The following CCAR2 variants were observed in gnomAD, a reference collection of about 807,000 sequenced individuals.
CCAR2 encodes the protein cell cycle and apoptosis regulator 2.
In CCAR2, 21 loss-of-function variants were observed where a neutral mutation model predicts 108.1. The ratio of observed to expected loss-of-function variants is 0.19; its 90% CI spans 0.14 to 0.28. CCAR2 has a LOEUF of 0.28. CCAR2 is among the 10% of genes least tolerant of loss of function. The pLI, the probability that CCAR2 is intolerant of heterozygous loss-of-function variation, is 1.00. For missense variants in CCAR2, 1,126 were observed against 1,177.0 expected (o/e 0.96, Z 0.63); for synonymous variants, 577 against 472.8 (o/e 1.22, Z -2.86).
chr8:22,615,335 C>T, intron 11 of CCAR2, 90 bp from the exon 12 acceptor site: 2 of 1,469,378 alleles, frequency 1.4e-6, no homozygotes, highest in Non-Finnish European at 1.8e-6. Flanking sequence ...TCATTGAGTG[C>T]TGACTGGAAA....
At chr8:22,618,758 G>A in intron 18 of CCAR2, 30 bp downstream of exon 18, 2 of 1,613,648 alleles carry the variant, frequency 1.2e-6, no homozygotes, top group Non-Finnish European at 1.7e-6. Flanking sequence ...AGCCTTCCTG[G>A]GGCACGGGCA....
At chr8:22,607,882 T>A in intron 6 of CCAR2, 87 bp from the exon 7 acceptor site, 1 of 1,061,086 alleles carries the variant, frequency 9.4e-7, no homozygotes, top group Non-Finnish European at 1.5e-6. Flanking sequence ...TGCACTGTCC[T>A]CTCAAAGTGC....
chr8:22,618,421 T>C lies in CCAR2; in HGVS notation c.2146T>C (p.Trp716Arg). ...TGCTTTTGTGTTCTTTGATGCCAAC[T>C]GGTGTGGCTACTTGCACCGGCGAGA... ...LLAFVFFDAN[W>R]CGYLHRRDLE... The change falls in exon 17 of 21, where the codon TGG (tryptophan) becomes CGG (arginine). Residue 716 changes from tryptophan to arginine, a missense_variant. Physicochemically the swap from Trp to Arg is moderately radical, Grantham distance 101. Coordinates refer to ENST00000308511, the MANE Select transcript of CCAR2 (RefSeq NM_001393997.1). 4 of 1,614,226 alleles carry C rather than the reference T, an allele frequency of 2.5e-6. No individual in the cohort carries two copies. Among genetic ancestry groups the C allele is most frequent in the Non-Finnish European group, 3.4e-6 (4 of 1,180,040 alleles).
rs761346614 is a variant in CCAR2 at position 22,615,557 on chromosome 8, A to G, written c.1338A>G (p.Lys446=). 2 of 1,613,966 alleles carry G rather than the reference A, an allele frequency of 1.2e-6. No individual in the cohort carries two copies. The highest frequency in any genetic ancestry group is 1.1e-5 in the South Asian group (1 of 91,084). ...AGTGGGAGGCCCTGTGCCAGCAGAA[A>G]GCTGCAGAGGCAGCTCCCCCAACCC... ...LEEWEALCQQ[K]AAEAAPPTQE... The change falls in exon 12 of 21, where the codon AAA becomes AAG. Residue 446 remains lysine (K), a synonymous_variant. Transcript: ENST00000308511.
intron 10 of CCAR2, 93 bp downstream of exon 10, chr8:22,614,596 A>T (rs1210328377): frequency 8.1e-7 from 1 of 1,240,680 alleles, no homozygotes; most frequent in Non-Finnish European, 1.2e-6. Flanking sequence ...TGAATGCATA[A>T]AACGAGGCAT....
intron 7 of CCAR2, among the ~76,000 whole-genome samples, chr8:22,611,979 T>G (rs55776566): frequency 2.0e-5 from 3 of 150,978 alleles, no homozygotes; most frequent in Admixed American, 6.6e-5. Flanking sequence ...GAGTATCGCT[T>G]TGTTGCCCAG....
At chr8:22,621,239 G>A, downstream of CCAR2, 1 of 734,154 alleles carries the variant, frequency 1.4e-6, no homozygotes. Context: ...TGTGAGTGGG[G>A]AGACGGCGGC....
chr8:22,613,161 T>C, intron 8 of CCAR2, 25 bp downstream of exon 8: 2 of 1,537,772 alleles, frequency 1.3e-6, no homozygotes, highest in Non-Finnish European at 1.8e-6. Context: ...TGAGGTGGGC[T>C]GAGTCTTGCT....
At chr8:22,606,766 G>A in intron 4 of CCAR2, 68 bp downstream of exon 4, 1 of 1,458,224 alleles carries the variant, frequency 6.9e-7, no homozygotes. Context: ...TGCTGGTATT[G>A]CCCCCACCCG....
At position 22,615,020 on chromosome 8, in the gene CCAR2, C is replaced by T; in HGVS notation, c.1205+19C>T. ...CCAAGTGGTGAGTGGGCTTCCTGAG[C>T]CTCAGCTGCACCAACGCACCAGGTT... On this transcript the variant is annotated intron_variant, in intron 11 of 20. Coordinates refer to ENST00000308511, the MANE Select transcript of CCAR2 (RefSeq NM_001393997.1). 1 of 1,539,176 alleles carries T rather than the reference C, an allele frequency of 6.5e-7. No homozygotes were observed. Among genetic ancestry groups the T allele is most frequent in the Non-Finnish European group, 8.8e-7 (1 of 1,140,848 alleles).
At chr8:22,613,784 G>T in intron 8 of CCAR2, 1 of 341,758 alleles carries the variant, frequency 2.9e-6, no homozygotes. Context: ...ACCTATTGAT[G>T]TCAATTTTCC....
In CCAR2 at chr8:22,619,809, C is replaced by T; in HGVS notation, c.*127C>T. 3 of 1,015,004 alleles carry T rather than the reference C, an allele frequency of 3.0e-6. No homozygotes were observed. Among genetic ancestry groups the T allele is most frequent in the South Asian group, 1.4e-5 (1 of 70,714 alleles). 62.9% of individuals were successfully genotyped at this position (1,015,004 alleles called of 1,614,324 possible). A position where few individuals can be genotyped will look rare whatever the true frequency, so the allele number is the denominator to read the frequency against. On this transcript the variant is annotated 3_prime_UTR_variant, in exon 21 of 21. Transcript: ENST00000308511. ...CAGGGCAGGGGTGGCTGACCCCATG[C>T]TCAGCCTCTAGGGGACGGCAGGCCA...
chr8:22,612,147 G>A lies in CCAR2; in HGVS notation c.585-870G>A, dbSNP rs548794563. On this transcript the variant is annotated intron_variant, in intron 7 of 20. Coordinates refer to ENST00000308511, the MANE Select transcript of CCAR2 (RefSeq NM_001393997.1). ...TTTTTAGTAGAGATAGGGTTTCACC[G>A]TGTTGGCCAGGCTGGTCTTGAACTC... 5.3e-5 allele frequency among the ~76,000 whole-genome samples: 8 copies of A among 152,184 alleles called. No individual in the cohort carries two copies. The East Asian group carries it at 9.6e-4, about 18-fold the overall frequency.
chr8:22,614,165 C>T lies in CCAR2; in HGVS notation c.778C>T (p.His260Tyr). The T allele has an allele frequency of 6.2e-7, 1 of 1,614,122 alleles. No homozygotes were observed. Among genetic ancestry groups the T allele is most frequent in the Middle Eastern group, 1.6e-4 (1 of 6,062 alleles). The change falls in exon 9 of 21, where the codon CAT (histidine) becomes TAT (tyrosine). Residue 260 changes from histidine to tyrosine, a missense_variant. This residue lies in a region of CCAR2 where 1,013 missense variants were observed against 993.9 expected (regional missense o/e 1.02). Coordinates refer to ENST00000308511, the MANE Select transcript of CCAR2 (RefSeq NM_001393997.1). ...GGTCCCCTCAGATTTTCTGTCCGTG[C>T]ATCTGAGTTGGCTATCAGCCTTCCC... is the stretch of plus-strand genomic sequence containing the variant. ...LLVPSDFLSV[H>Y]LSWLSAFPLS...
chr8:22,616,321 G>C, intron 14 of CCAR2, 73 bp downstream of exon 14: 1 of 1,425,792 alleles, frequency 7.0e-7, no homozygotes, highest in Admixed American at 1.7e-5. Flanking sequence ...GCTCTGTTCC[G>C]AGCGCTTCCT....
chr8:22,616,343 C>T (rs929807808), intron 14 of CCAR2, 95 bp downstream of exon 14: 14 of 1,115,812 alleles, frequency 1.3e-5, no homozygotes, highest in Admixed American at 1.8e-5. Context: ...TGCCTTAGCT[C>T]ATTCCCTGCA....
chr8:22,613,261 C>A, intron 8 of CCAR2, 125 bp downstream of exon 8: 1 of 1,038,752 alleles, frequency 9.6e-7, no homozygotes, highest in Non-Finnish European at 1.3e-6. Context: ...ACGAAAAGCA[C>A]ATGGAAACCT....
At chr8:22,605,282 C>G (rs1801023490) in intron 1 of CCAR2, 1 of 162,908 alleles carries the variant, frequency 6.1e-6, no homozygotes, top group African/African-American at 2.4e-5. Context: ...TTTTCCGGGC[C>G]TTGCGTGGAG....
chr8:22,611,545 T>A lies in CCAR2; in HGVS notation c.585-1472T>A, dbSNP rs528578007. On this transcript the variant is annotated intron_variant, in intron 7 of 20. Transcript: ENST00000308511. ...TGTTAACAGGTAGGTATTAAAGAAT[T>A]TTAGAAAATAATTTTGAAAAGGAAA... 7.9e-5 allele frequency among the ~76,000 whole-genome samples: 12 copies of A among 152,182 alleles called. No individual in the cohort carries two copies. The South Asian group carries it at 2.5e-3, about 32-fold the overall frequency.
Sources: gnomAD v4.1 joint callset for allele counts (sites outside exome capture counted in the v4.1 genomes callset) on GRCh38, gnomAD v4.1.1 for gene constraint, gnomAD v4.1.1 regional missense constraint, MANE v1.5 for transcripts, NCBI Gene and HGNC (gene_info 2026-07-23, HGNC 2026-07-21) for gene names.